The following ARHGEF6 variants were observed in gnomAD, a reference collection of about 807,000 sequenced individuals.
The protein encoded by ARHGEF6 is rho guanine nucleotide exchange factor 6.
Under a neutral mutation model 70.3 loss-of-function variants are expected in ARHGEF6, and 9 were observed. The ratio of observed to expected loss-of-function variants is 0.13; its 90% CI spans 0.08 to 0.22. ARHGEF6 has a LOEUF of 0.22. Ranked by LOEUF, ARHGEF6 falls within the 10% of genes least tolerant of loss-of-function variation. The pLI, the probability that ARHGEF6 is intolerant of heterozygous loss-of-function variation, is 1.00. For missense variants in ARHGEF6, 470 were observed against 563.0 expected (o/e 0.83, Z 1.67); for synonymous variants, 201 against 207.8 (o/e 0.97, Z 0.28).
intron 6 of ARHGEF6, among the ~76,000 whole-genome samples, chrX:136,722,171 T>A (rs1283807178): frequency 9.0e-6 from 1 of 111,447 alleles, no homozygotes; most frequent in Non-Finnish European, 1.9e-5. Flanking sequence ...CCCTACCTCA[T>A]ACCATATACA....
At chrX:136,675,179 G>T in intron 18 of ARHGEF6, 83 bp from the exon 19 acceptor site, 1 of 848,257 alleles carries the variant, frequency 1.2e-6, no homozygotes. Context: ...CACTGCCTGG[G>T]ACTGGCTTCT....
At chrX:136,729,325 G>A (rs752437243) in intron 6 of ARHGEF6, among the ~76,000 whole-genome samples, 9 of 105,535 alleles carry the variant, frequency 8.5e-5, no homozygotes, top group Admixed American at 7.2e-4. Flanking sequence ...AAAATTAGCC[G>A]GGAATTGTGG....
intron 6 of ARHGEF6, among the ~76,000 whole-genome samples, chrX:136,716,229 C>T (rs2076735780): frequency 8.8e-6 from 1 of 113,008 alleles, no homozygotes; most frequent in South Asian, 3.6e-4. Flanking sequence ...GCGTGAGCCA[C>T]TGCGCCCGGC....
At chrX:136,682,980 A>G (rs1031782341) in intron 12 of ARHGEF6, 136 bp from the exon 13 acceptor site, 1 of 519,337 alleles carries the variant, frequency 1.9e-6, no homozygotes, top group Admixed American at 3.6e-5. Flanking sequence ...TTTTTAAAAA[A>G]GATACCCAAC....
intron 9 of ARHGEF6, among the ~76,000 whole-genome samples, chrX:136,703,649 A>T (rs1052636143): frequency 5.4e-5 from 6 of 112,019 alleles, no homozygotes; most frequent in Admixed American, 3.8e-4. Context: ...CAGCCTCCCA[A>T]GTAGCTGGGA....
At chrX:136,683,049 C>T (rs1245612015) in intron 12 of ARHGEF6, among the ~76,000 whole-genome samples, 2 of 111,744 alleles carry the variant, frequency 1.8e-5, no homozygotes. Context: ...CACAGTTTAT[C>T]TCTCTTCTTC....
chrX:136,693,818 G>T (rs1381016862), intron 9 of ARHGEF6, among the ~76,000 whole-genome samples: 1 of 111,084 alleles, frequency 9.0e-6, no homozygotes, highest in Admixed American at 9.5e-5. Context: ...CTAGCAGAAG[G>T]TCAGAGATTC....
intron 9 of ARHGEF6, among the ~76,000 whole-genome samples, chrX:136,701,519 T>C (rs1010327492): frequency 1.8e-5 from 2 of 111,124 alleles, no homozygotes; most frequent in Non-Finnish European, 3.8e-5. Flanking sequence ...TTCTGAATAC[T>C]TTCTCAAACA....
intron 5 of ARHGEF6, among the ~76,000 whole-genome samples, chrX:136,741,537 T>TTG (rs1195418072): frequency 2.3e-4 from 24 of 105,628 alleles, no homozygotes; most frequent in East Asian, 1.4e-3. Flanking sequence ...TTTTTTTTTT[T>TTG]TGTGTGTGTG....
At chrX:136,704,757 C>T (rs1178135429) in intron 9 of ARHGEF6, among the ~76,000 whole-genome samples, 1 of 111,679 alleles carries the variant, frequency 9.0e-6, no homozygotes, top group African/African-American at 3.3e-5. Context: ...CCTGGTCCCT[C>T]CCTCGACATG....
At chrX:136,669,958 C>T (rs1407788304) in intron 20 of ARHGEF6, among the ~76,000 whole-genome samples, 1 of 111,839 alleles carries the variant, frequency 8.9e-6, no homozygotes, top group Non-Finnish European at 1.9e-5. Context: ...TATCCATCTC[C>T]TCACATAGTT....
At chrX:136,750,552 G>C (rs1206869274) in intron 2 of ARHGEF6, among the ~76,000 whole-genome samples, 1 of 111,184 alleles carries the variant, frequency 9.0e-6, no homozygotes, top group Non-Finnish European at 1.9e-5. Flanking sequence ...TGAACAGCAG[G>C]ATTCCCTCCC....
chrX:136,682,708 C>T, intron 13 of ARHGEF6, 50 bp downstream of exon 13: 1 of 1,030,738 alleles, frequency 9.7e-7, no homozygotes, highest in Non-Finnish European at 1.4e-6. Context: ...TGGATGGAAA[C>T]CTGTTTTCGT....
chrX:136,684,716 A>C (rs2076366617), intron 12 of ARHGEF6, among the ~76,000 whole-genome samples: 1 of 110,978 alleles, frequency 9.0e-6, no homozygotes, highest in Admixed American at 9.6e-5. Context: ...TACAGGTCTA[A>C]AATTATATTC....
chrX:136,728,638 G>C (rs1768369232), intron 6 of ARHGEF6, among the ~76,000 whole-genome samples: 1 of 107,417 alleles, frequency 9.3e-6, no homozygotes, highest in Non-Finnish European at 1.9e-5. Context: ...CAGATATTTA[G>C]CTAAACATTA....
At chrX:136,683,877 T>G (rs1164670839) in intron 12 of ARHGEF6, among the ~76,000 whole-genome samples, 1 of 111,590 alleles carries the variant, frequency 9.0e-6, no homozygotes, top group African/African-American at 3.3e-5. Flanking sequence ...AGACACCTCT[T>G]CTTCTCCCAG....
chrX:136,732,193 TTA>T (rs1339504350), intron 5 of ARHGEF6, 21 bp from the exon 6 acceptor site: 5 of 1,136,667 alleles, frequency 4.4e-6, no homozygotes, highest in East Asian at 6.0e-5. Context: ...AACATTTAAA[TTA>T]TGTTAATATC....
At chrX:136,755,983 A>T (rs2077202005) in intron 2 of ARHGEF6, among the ~76,000 whole-genome samples, 1 of 109,707 alleles carries the variant, frequency 9.1e-6, no homozygotes, top group Non-Finnish European at 1.9e-5. Flanking sequence ...CATGATGTCA[A>T]TTTTTTTTTC....
chrX:136,729,491 A>AAAAAC (rs2076911666), intron 6 of ARHGEF6, among the ~76,000 whole-genome samples: 1 of 102,530 alleles, frequency 9.8e-6, no homozygotes, highest in African/African-American at 3.6e-5. Flanking sequence ...AAAAAAAAAA[A>AAAAAC]AGAACAGGTC....
Sources: gnomAD v4.1 joint callset for allele counts (sites outside exome capture counted in the v4.1 genomes callset) on GRCh38, gnomAD v4.1.1 for gene constraint, MANE v1.5 for transcripts, NCBI Gene and HGNC (gene_info 2026-07-23, HGNC 2026-07-21) for gene names.